The following FBXL17 variants were observed in gnomAD, a reference collection of about 807,000 sequenced individuals.
The protein encoded by FBXL17 is F-box and leucine rich repeat protein 17.
FBXL17 carries 22 observed loss-of-function variants against 66.2 expected under a neutral mutation model. That is an observed-to-expected ratio of 0.33 (90% CI 0.24 to 0.47). The LOEUF (loss-of-function observed/expected upper bound fraction) is 0.47. Ranked by LOEUF, FBXL17 falls within the 20% of genes least tolerant of loss-of-function variation. FBXL17 has a pLI of 1.00. For synonymous variants in FBXL17, 474 were observed against 400.5 expected (o/e 1.18, Z -2.19); for missense variants, 878 against 948.2 (o/e 0.93, Z 0.97).
chr5:108,316,204 T>C (rs1411087621), intron 4 of FBXL17, among the ~76,000 whole-genome samples: 1 of 151,242 alleles, frequency 6.6e-6, no homozygotes, highest in African/African-American at 2.4e-5. Context: ...TGCATGACCC[T>C]CTAAAACTTC....
intron 6 of FBXL17, among the ~76,000 whole-genome samples, chr5:108,161,470 C>T (rs1163273069): frequency 1.4e-5 from 2 of 142,822 alleles, no homozygotes; most frequent in African/African-American, 2.6e-5. Flanking sequence ...TGGGCGACAG[C>T]GGAAGACTCT....
At chr5:107,906,427 T>C (rs1247307189) in intron 7 of FBXL17, among the ~76,000 whole-genome samples, 1 of 152,204 alleles carries the variant, frequency 6.6e-6, no homozygotes, top group Admixed American at 6.5e-5. Flanking sequence ...AGTTTTTGAA[T>C]ATTTACTTTG....
intron 7 of FBXL17, among the ~76,000 whole-genome samples, chr5:107,987,710 T>C (rs1753074521): frequency 6.6e-6 from 1 of 152,078 alleles, no homozygotes; most frequent in African/African-American, 2.4e-5. Context: ...AGAAATCTAG[T>C]GTAATTTAGC....
intron 7 of FBXL17, among the ~76,000 whole-genome samples, chr5:108,013,014 C>CAAAAAA (rs57393639): frequency 8.8e-5 from 7 of 79,378 alleles, no homozygotes; most frequent in Non-Finnish European, 1.2e-4. Context: ...AACTCCGTCT[C>CAAAAAA]AAAAAAAAAA....
intron 7 of FBXL17, among the ~76,000 whole-genome samples, chr5:107,946,298 TATATATATATA>T (rs1751289751): frequency 1.2e-5 from 1 of 84,856 alleles, no homozygotes; most frequent in African/African-American, 4.3e-5. Context: ...TATATATATA[TATATATATATA>T]TTAGTGACAG....
chr5:108,035,835 C>T (rs1395075187), intron 6 of FBXL17, among the ~76,000 whole-genome samples: 1 of 152,126 alleles, frequency 6.6e-6, no homozygotes, highest in Admixed American at 6.6e-5. Context: ...GATATTATTG[C>T]CTGATCCAAG....
intron 8 of FBXL17, among the ~76,000 whole-genome samples, chr5:107,863,407 T>G (rs1748184746): frequency 6.6e-6 from 1 of 151,290 alleles, no homozygotes; most frequent in South Asian, 2.1e-4. Flanking sequence ...TTTGCCCCAC[T>G]TATCCATTAT....
rs1748078132 is a variant in FBXL17, at chr5:107,860,013, A to C, written c.*1707T>G. ...TTCAAATTAAATTAGAAACCCATTT[A>C]GTTATGGGAAGAATACTCATGGCGC... On this transcript the variant is annotated 3_prime_UTR_variant, in exon 9 of 9. Coordinates refer to ENST00000542267, the MANE Select transcript of FBXL17 (RefSeq NM_001163315.3). 6.6e-6 allele frequency: 1 copy of C among 152,190 alleles called. No individual in the cohort carries two copies. Among genetic ancestry groups the C allele is most frequent in the Admixed American group, 6.5e-5 (1 of 15,278 alleles). The allele number at this position is 152,190 out of a possible 1,614,324, so 9.4% of individuals were successfully genotyped here. A position where few individuals can be genotyped will look rare whatever the true frequency, so the allele number is the denominator to read the frequency against.
intron 7 of FBXL17, among the ~76,000 whole-genome samples, chr5:107,971,369 C>T (rs1437637479): frequency 6.6e-6 from 1 of 152,180 alleles, no homozygotes; most frequent in African/African-American, 2.4e-5. Context: ...TGCCAACTTC[C>T]ACACGTAAAC....
Position 107,975,413 on chromosome 5 carries a change from C to T in FBXL17, c.1822+45512G>A, listed in dbSNP as rs1433347111. The stretch of plus-strand genomic sequence containing the variant: ...CAAGGGCAAGTAAACAGATTACATA[C>T]AGAAATGTCATAATATGTATTTTCA... On this transcript the variant is annotated intron_variant, in intron 7 of 8. Transcript: ENST00000542267. Among the ~76,000 whole-genome samples the T allele has an allele frequency of 4.6e-5, 7 of 152,146 alleles. No homozygotes were observed. The South Asian group carries it at 1.5e-3, about 32-fold the overall frequency.
chr5:108,356,264 A>C (rs1164296681), intron 3 of FBXL17, among the ~76,000 whole-genome samples: 1 of 152,114 alleles, frequency 6.6e-6, no homozygotes, highest in African/African-American at 2.4e-5. Flanking sequence ...TAGAAGGAGA[A>C]ATAGATGAAT....
intron 7 of FBXL17, among the ~76,000 whole-genome samples, chr5:107,944,378 C>T (rs1383226919): frequency 1.3e-5 from 2 of 152,118 alleles, no homozygotes; most frequent in African/African-American, 4.8e-5. Flanking sequence ...TATGTGTCTG[C>T]TCTCAGAATC....
intron 7 of FBXL17, among the ~76,000 whole-genome samples, chr5:107,964,523 G>T (rs1427212405): frequency 6.6e-6 from 1 of 151,948 alleles, no homozygotes; most frequent in Non-Finnish European, 1.5e-5. Flanking sequence ...AAAATCCTGA[G>T]CCAAGAAGCT....
chr5:107,941,771 C>T (rs1166549487), intron 7 of FBXL17, among the ~76,000 whole-genome samples: 1 of 152,158 alleles, frequency 6.6e-6, no homozygotes, highest in Non-Finnish European at 1.5e-5. Flanking sequence ...ATCAAGAGGA[C>T]TAAATAATTC....
chr5:108,155,945 G>A (rs549512314), intron 6 of FBXL17, among the ~76,000 whole-genome samples: 18 of 152,070 alleles, frequency 1.2e-4, no homozygotes, highest in African/African-American at 4.3e-4. Flanking sequence ...TATGCTGCCT[G>A]GAAAATTAGA....
intron 7 of FBXL17, among the ~76,000 whole-genome samples, chr5:107,921,522 G>A (rs1042921864): frequency 6.6e-6 from 1 of 152,212 alleles, no homozygotes; most frequent in Admixed American, 6.5e-5. Context: ...TGGTGGCATG[G>A]CATAGAGGAA....
chr5:107,959,678 G>C (rs1354850685), intron 7 of FBXL17, among the ~76,000 whole-genome samples: 1 of 152,066 alleles, frequency 6.6e-6, no homozygotes, highest in African/African-American at 2.4e-5. Flanking sequence ...TTATAATATG[G>C]GGACTAAGTG....
chr5:108,325,344 G>GT (rs1759800984), intron 4 of FBXL17, among the ~76,000 whole-genome samples: 1 of 152,072 alleles, frequency 6.6e-6, no homozygotes, highest in Non-Finnish European at 1.5e-5. Flanking sequence ...ACTTTACCAA[G>GT]TAAGTAGAAT....
chr5:108,070,741 T>C (rs1422856657), intron 6 of FBXL17, among the ~76,000 whole-genome samples: 6 of 152,180 alleles, frequency 3.9e-5, no homozygotes, highest in Non-Finnish European at 7.3e-5. Context: ...CCTTATTATC[T>C]TGACTAGTGA....
Sources: gnomAD v4.1 joint callset for allele counts (sites outside exome capture counted in the v4.1 genomes callset) on GRCh38, gnomAD v4.1.1 for gene constraint, MANE v1.5 for transcripts, NCBI Gene and HGNC (gene_info 2026-07-23, HGNC 2026-07-21) for gene names.